UGT2B11: variants seen among roughly 807,000 people sequenced by gnomAD.
UGT2B11 encodes UDP-glucuronosyltransferase 2B11.
UGT2B11 carries 49 observed loss-of-function variants against 51.7 expected under a neutral mutation model. That is an observed-to-expected ratio of 0.95 (90% CI 0.75 to 1.20). The LOEUF (loss-of-function observed/expected upper bound fraction) is 1.20, where lower values mean the gene tolerates loss of function less well. Among genes scored for constraint, UGT2B11 ranks in the 50% most tolerant of loss-of-function variants. The pLI, the probability that UGT2B11 is intolerant of heterozygous loss-of-function variation, is 0.00. For missense variants in UGT2B11, 810 were observed against 622.1 expected (o/e 1.30, Z -3.21); for synonymous variants, 273 against 209.0 (o/e 1.31, Z -2.64).
intron 5 of UGT2B11, among the ~76,000 whole-genome samples, chr4:69,203,394 G>T (rs1721731561): frequency 6.6e-6 from 1 of 151,742 alleles, no homozygotes; most frequent in Non-Finnish European, 1.5e-5. Flanking sequence ...GAACCATGTT[G>T]TACTGCTGAT....
chr4:69,223,461 G>C, the UGT2B11 span, among the ~76,000 whole-genome samples: 18 of 152,112 alleles, frequency 1.2e-4, no homozygotes, highest in African/African-American at 4.3e-4. Context: ...GGAAACTTCC[G>C]TTGTCCCTGC....
At chr4:69,219,493 T>A (rs62300462), upstream of UGT2B11, among the ~76,000 whole-genome samples, 4 of 151,794 alleles carry the variant, frequency 2.6e-5, no homozygotes, top group Admixed American at 2.6e-4. Flanking sequence ...TTATAGTTTA[T>A]GATACTGTAC....
At chr4:69,202,585 C>G (rs763261856) in intron 5 of UGT2B11, among the ~76,000 whole-genome samples, 23 of 151,572 alleles carry the variant, frequency 1.5e-4, no homozygotes, top group Non-Finnish European at 3.0e-4. Context: ...ACAATACATA[C>G]ATGTGTATTG....
the UGT2B11 span, among the ~76,000 whole-genome samples, chr4:69,221,734 G>C: frequency 6.6e-6 from 1 of 152,164 alleles, no homozygotes; most frequent in East Asian, 1.9e-4. Flanking sequence ...TGGGGCAAGA[G>C]GTTAAAACTG....
chr4:69,219,569 T>C (rs1722359828), upstream of UGT2B11, among the ~76,000 whole-genome samples: 1 of 152,136 alleles, frequency 6.6e-6, no homozygotes, highest in Admixed American at 6.6e-5. Context: ...GAAAGAGGTT[T>C]AGTAGATTCA....
At chr4:69,222,989 T>G in the UGT2B11 span, among the ~76,000 whole-genome samples, 1 of 152,306 alleles carries the variant, frequency 6.6e-6, no homozygotes, top group East Asian at 1.9e-4. Flanking sequence ...TGTGGCCCTC[T>G]GTCCTTTGGG....
At chr4:69,218,480 G>C (rs1220681552), upstream of UGT2B11, among the ~76,000 whole-genome samples, 1 of 151,966 alleles carries the variant, frequency 6.6e-6, no homozygotes, top group Non-Finnish European at 1.5e-5. Context: ...GGGAAAAGTA[G>C]AAATTATGAC....
chr4:69,207,419 C>A (rs1034304334), intron 3 of UGT2B11, among the ~76,000 whole-genome samples: 1 of 151,628 alleles, frequency 6.6e-6, no homozygotes, highest in African/African-American at 2.4e-5. Flanking sequence ...AAGTCATTCA[C>A]AAATACACAA....
At chr4:69,205,436 G>A (rs759793208) in intron 4 of UGT2B11, 44 bp downstream of exon 4, 3 of 1,587,296 alleles carry the variant, frequency 1.9e-6, no homozygotes, top group South Asian at 1.1e-5. Context: ...ACCCTCTAAT[G>A]TGCAGTTACT....
At chr4:69,213,072 TAATC>T (rs1389081250) in intron 1 of UGT2B11, among the ~76,000 whole-genome samples, 2 of 151,458 alleles carry the variant, frequency 1.3e-5, no homozygotes, top group East Asian at 1.9e-4. Flanking sequence ...TTGAGCTCCA[TAATC>T]AATTAATTCT....
chr4:69,202,714 T>C (rs559185504), intron 5 of UGT2B11, among the ~76,000 whole-genome samples: 1 of 151,806 alleles, frequency 6.6e-6, no homozygotes, highest in South Asian at 2.1e-4. Context: ...TCTGTTTAGA[T>C]TGAGTGAAAG....
chr4:69,217,857 G>A (rs1359645233), upstream of UGT2B11, among the ~76,000 whole-genome samples: 6 of 152,048 alleles, frequency 3.9e-5, no homozygotes, highest in African/African-American at 1.4e-4. Flanking sequence ...CAATCAAGAT[G>A]CTGGTATTGG....
the UGT2B11 span, among the ~76,000 whole-genome samples, chr4:69,220,310 G>T: frequency 6.6e-6 from 1 of 152,060 alleles, no homozygotes; most frequent in Non-Finnish European, 1.5e-5. Flanking sequence ...TGCTTTCATG[G>T]GCTGGCATTG....
At chr4:69,215,598 A>G (rs1307827946), upstream of UGT2B11, 1 of 151,986 alleles carries the variant, frequency 6.6e-6, no homozygotes, top group Non-Finnish European at 1.5e-5. Context: ...ATGTGCATGA[A>G]TTCTGTGGAC....
At chr4:69,202,072 G>A (rs996469902) in intron 5 of UGT2B11, among the ~76,000 whole-genome samples, 5 of 151,676 alleles carry the variant, frequency 3.3e-5, no homozygotes, top group Admixed American at 6.6e-5. Context: ...TACATAATAC[G>A]TACTCAAAAG....
chr4:69,223,352 G>A, the UGT2B11 span, among the ~76,000 whole-genome samples: 3 of 152,068 alleles, frequency 2.0e-5, no homozygotes, highest in East Asian at 3.9e-4. Flanking sequence ...TCTTCTCTTA[G>A]GGCGTCCCCC....
At chr4:69,214,922 T>A (rs1722218584), upstream of UGT2B11, 1 of 842,370 alleles carries the variant, frequency 1.2e-6, no homozygotes, top group East Asian at 2.9e-5. Flanking sequence ...ATGTTTCTTT[T>A]ATGTTTATAT....
intron 3 of UGT2B11, chr4:69,205,768 A>C (rs777925350): frequency 3.6e-6 from 2 of 553,662 alleles, no homozygotes; most frequent in East Asian, 7.1e-5. Context: ...GATTTTCCAA[A>C]ACAGTACCAT....
chr4:69,214,471 A>C lies in UGT2B11; in HGVS notation c.252T>G (p.Thr84=). Residue 84 remains threonine, a synonymous_variant, in exon 1 of 6, where the codon ACT becomes ACG. Coordinates refer to ENST00000446444, the MANE Select transcript of UGT2B11 (RefSeq NM_001073.3). ...FEVYPTSLTK[T]EFENIIMQQV... Reference sequence around the variant, plus strand: ...GTTGCATGATGATATTCTCAAATTCAGTTTTAGTTAAAGATGTAGGATAAA... The same window carrying C: ...GTTGCATGATGATATTCTCAAATTCCGTTTTAGTTAAAGATGTAGGATAAA... 2 of 1,613,244 alleles carry C rather than the reference A, an allele frequency of 1.2e-6. No individual in the cohort carries two copies. Among genetic ancestry groups the C allele is most frequent in the South Asian group, 1.1e-5 (1 of 91,064 alleles).
Sources: allele counts gnomAD v4.1 joint callset (sites outside exome capture counted in the v4.1 genomes callset), GRCh38; gene constraint gnomAD v4.1.1; transcripts MANE v1.5; gene names NCBI Gene and HGNC (gene_info 2026-07-23, HGNC 2026-07-21).